TRIM13: variants seen among roughly 807,000 people sequenced by gnomAD.
TRIM13 encodes tripartite motif containing 13, also known as E3 ubiquitin-protein ligase TRIM13.
TRIM13 carries 15 observed loss-of-function variants against 27.1 expected under a neutral mutation model. The ratio of observed to expected loss-of-function variants is 0.55; its 90% CI spans 0.37 to 0.85. The LOEUF (loss-of-function observed/expected upper bound fraction) is 0.85. Ranked by LOEUF, TRIM13 falls within the 40% of genes least tolerant of loss-of-function variation. TRIM13 has a pLI of 0.00. For missense variants in TRIM13, 402 were observed against 472.2 expected, an observed-to-expected ratio of 0.85 and a Z score of 1.38; for synonymous variants, 193 against 171.5, an observed-to-expected ratio of 1.13 and a Z score of -0.98.
Position 50,016,489 on chromosome 13 carries a change from C to T in TRIM13, c.*3325C>T, listed in dbSNP as rs1566450565. ...TTCCTTACACACTATATAAGTTGTT[C>T]TTTCAGTTTTATGATTCAACTACTG... On this transcript the variant is annotated 3_prime_UTR_variant, in exon 2 of 2. Transcript: ENST00000378182. 5.8e-6 allele frequency: 1 copy of T among 171,132 alleles called. No homozygotes were observed. The highest frequency in any genetic ancestry group is 1.4e-5 in the Non-Finnish European group (1 of 71,108). The allele number at this position is 171,132 out of a possible 1,614,324, so 10.6% of individuals were successfully genotyped here. A position where few individuals can be genotyped will look rare whatever the true frequency, so the allele number is the denominator to read the frequency against.
At chr13:50,003,212 G>C (rs1401769976) in intron 1 of TRIM13, among the ~76,000 whole-genome samples, 1 of 152,136 alleles carries the variant, frequency 6.6e-6, no homozygotes, top group Admixed American at 6.6e-5. Context: ...AATGTTTGCT[G>C]TCTAGCCACC....
At chr13:50,011,609 C>T in intron 1 of TRIM13, among the ~76,000 whole-genome samples, 1 of 152,184 alleles carries the variant, frequency 6.6e-6, no homozygotes. Flanking sequence ...CAGTAGTCAG[C>T]TCTGTTTTAA....
At position 50,017,139 on chromosome 13, in the gene TRIM13, C is replaced by T. The variant is rs1876706047; in HGVS notation, c.*3975C>T. The T allele has an allele frequency of 6.0e-6, 1 of 166,874 alleles. No individual in the cohort carries two copies. The highest frequency in any genetic ancestry group is 2.4e-5 in the African/African-American group (1 of 41,404). 10.3% of individuals were successfully genotyped at this position (166,874 alleles called of 1,614,324 possible). On this transcript the variant is annotated 3_prime_UTR_variant, in exon 2 of 2. Coordinates refer to ENST00000378182, the MANE Select transcript of TRIM13 (RefSeq NM_213590.3). Reference sequence around the variant, plus strand: ...GCTGATTGTGAAGAAAATCTAATACCTTATCTTTATCTCAAACCTCTGTAC... The same window carrying T: ...GCTGATTGTGAAGAAAATCTAATACTTTATCTTTATCTCAAACCTCTGTAC...
chr13:50,001,654 A>G (rs553920439), intron 1 of TRIM13, among the ~76,000 whole-genome samples: 2 of 152,268 alleles, frequency 1.3e-5, no homozygotes, highest in Non-Finnish European at 2.9e-5. Context: ...AGAGCCACAT[A>G]ACAATTATTT....
At position 50,013,170 on chromosome 13, in the gene TRIM13, G is replaced by T; in HGVS notation, c.*6G>T. ...GCAAATATAAACTATTATAAAATCT[G>T]TTTCAAGTATGCAGTTTTCTTTTGT... On this transcript the variant is annotated 3_prime_UTR_variant, in exon 2 of 2. Transcript: ENST00000378182. 1 of 1,536,174 alleles carries T rather than the reference G, an allele frequency of 6.5e-7. No individual in the cohort carries two copies. Among genetic ancestry groups the T allele is most frequent in the Non-Finnish European group, 8.7e-7 (1 of 1,144,764 alleles).
In TRIM13 at chr13:50,012,536, A is replaced by C; in HGVS notation, c.596A>C (p.Glu199Ala). Residue 199 changes from glutamate (E) to alanine (A), a missense_variant, in exon 2 of 2, where the codon GAA becomes GCA. Glu to Ala is a moderately radical substitution (Grantham distance 107, BLOSUM62 -1). Transcript: ENST00000378182. ...CACACACTGGATCAAAAGAAGAATGAAATTCTGTCTGACTTTGAGACCATG... is the reference window on the plus strand; with the variant it reads ...CACACACTGGATCAAAAGAAGAATGCAATTCTGTCTGACTTTGAGACCATG... ...LQHTLDQKKN[E>A]ILSDFETMKL... 6.2e-7 allele frequency: 1 copy of C among 1,614,148 alleles called. No individual in the cohort carries two copies. The highest frequency in any genetic ancestry group is 8.5e-7 in the Non-Finnish European group (1 of 1,180,024).
intron 1 of TRIM13, among the ~76,000 whole-genome samples, chr13:50,002,805 G>A (rs1277390933): frequency 6.6e-6 from 1 of 152,078 alleles, no homozygotes; most frequent in Non-Finnish European, 1.5e-5. Flanking sequence ...TGGGATTACA[G>A]GTGTCTGCCA....
intron 1 of TRIM13, 21 bp from the exon 2 acceptor site, chr13:50,011,914 A>T: frequency 6.4e-7 from 1 of 1,554,444 alleles, no homozygotes; most frequent in Non-Finnish European, 8.7e-7. Context: ...GGAGTAAAAT[A>T]ATTTTTTTTT....
At chr13:50,009,908 GAC>G (rs896175186) in intron 1 of TRIM13, among the ~76,000 whole-genome samples, 1 of 151,800 alleles carries the variant, frequency 6.6e-6, no homozygotes, top group African/African-American at 2.4e-5. Context: ...CAGCTTGGGT[GAC>G]AGAGTGAGAC....
intron 1 of TRIM13, among the ~76,000 whole-genome samples, chr13:50,008,864 A>T (rs532340363): frequency 6.6e-6 from 1 of 151,396 alleles, no homozygotes; most frequent in African/African-American, 2.4e-5. Flanking sequence ...AAAAAAAACT[A>T]CAAAGAAAAA....
At position 50,013,660 on chromosome 13, in the gene TRIM13, T is replaced by A. The variant is rs1875948480; in HGVS notation, c.*496T>A. On this transcript the variant is annotated 3_prime_UTR_variant, in exon 2 of 2. Transcript: ENST00000378182. The stretch of plus-strand genomic sequence containing the variant: ...GCCTTAGCCTCCTGAGTAGCTGGGA[T>A]TACAGGCGCGTGCCACCACGCCCAG... 1 of 164,764 alleles carries A rather than the reference T, an allele frequency of 6.1e-6. No homozygotes were observed. Among genetic ancestry groups the A allele is most frequent in the African/African-American group, 2.4e-5 (1 of 41,274 alleles). The allele number at this position is 164,764 out of a possible 1,614,324, so 10.2% of individuals were successfully genotyped here.
intron 1 of TRIM13, among the ~76,000 whole-genome samples, chr13:49,998,552 G>C (rs9316482): frequency 0.37 from 56,130 of 151,770 alleles, 11,873 homozygotes; most frequent in Non-Finnish European, 0.49. Flanking sequence ...ATTTATGTTT[G>C]TATAGTTTCG....
chr13:50,015,085 AAAAAAAAAAATATATATATATATATATAT>A lies in TRIM13; in HGVS notation c.*1923_*1951del, dbSNP rs1208355685. ...TTCCCCTCCCAGTAATAAAAAAAAA[AAAAAAAAAAATATATATATATATATATAT>A]ATATATATATATATATATATATATA... On this transcript the variant is annotated 3_prime_UTR_variant, in exon 2 of 2. Coordinates refer to ENST00000378182, the MANE Select transcript of TRIM13 (RefSeq NM_213590.3). 10 of 59,608 alleles carry A rather than the reference AAAAAAAAAAATATATATATATATATATAT, an allele frequency of 1.7e-4. 1 individual carries two copies. The highest frequency in any genetic ancestry group is 8.2e-4 in the East Asian group (2 of 2,448). The allele number at this position is 59,608 out of a possible 1,614,324, so 3.7% of individuals were successfully genotyped here.
chr13:49,999,474 C>G (rs1015823198), intron 1 of TRIM13, among the ~76,000 whole-genome samples: 1 of 151,838 alleles, frequency 6.6e-6, no homozygotes, highest in Non-Finnish European at 1.5e-5. Flanking sequence ...TTTCTTGGCT[C>G]GAGACAACCA....
intron 1 of TRIM13, among the ~76,000 whole-genome samples, chr13:50,011,060 A>G (rs959916554): frequency 2.0e-5 from 3 of 152,170 alleles, no homozygotes; most frequent in Admixed American, 6.6e-5. Flanking sequence ...TCCAACCCCA[A>G]TTTGGGTGGT....
Position 50,012,012 on chromosome 13 carries a change from T to A in TRIM13, c.72T>A (p.Pro24=). The A allele has an allele frequency of 6.2e-7, 1 of 1,614,080 alleles. No individual in the cohort carries two copies. Among genetic ancestry groups the A allele is most frequent in the Non-Finnish European group, 8.5e-7 (1 of 1,179,994 alleles). ...CSLFDDPRVL[P]CSHNFCKKCL... ...TGTTTGATGATCCACGGGTTTTGCC[T>A]TGCTCCCACAACTTCTGCAAAAAAT... The change falls in exon 2 of 2, where the codon CCT becomes CCA. Residue 24 remains proline (P), a synonymous_variant. Coordinates refer to ENST00000378182, the MANE Select transcript of TRIM13 (RefSeq NM_213590.3).
At chr13:49,999,502 C>T (rs1202935160) in intron 1 of TRIM13, among the ~76,000 whole-genome samples, 3 of 152,126 alleles carry the variant, frequency 2.0e-5, no homozygotes, top group Non-Finnish European at 4.4e-5. Flanking sequence ...ATCCCCCAGG[C>T]AATGGAGCCA....
In TRIM13 at chr13:50,015,736, G is replaced by T; in HGVS notation, c.*2572G>T. The T allele has an allele frequency of 1.2e-6, 2 of 1,613,988 alleles. No homozygotes were observed. The highest frequency in any genetic ancestry group is 1.7e-6 in the Non-Finnish European group (2 of 1,179,928). Reference sequence around the variant, plus strand: ...CCACTGAATTTTCAGACTATCTTAGGCTTCAGAGAGAGGCTCTTTTCTATG... The same window carrying T: ...CCACTGAATTTTCAGACTATCTTAGTCTTCAGAGAGAGGCTCTTTTCTATG... On this transcript the variant is annotated 3_prime_UTR_variant, in exon 2 of 2. Transcript: ENST00000378182.
Position 50,011,974 on chromosome 13 carries a change from A to G in TRIM13, c.34A>G (p.Ile12Val), listed in dbSNP as rs760478719. ...GCTTGAAGAAGATCTCACATGCCCT[A>G]TTTGTTGTAGTCTGTTTGATGATCC... ...ELLEEDLTCP[I>V]CCSLFDDPRV... is the part of the protein sequence containing the mutation. Residue 12 changes from isoleucine (I) to valine (V), a missense_variant, in exon 2 of 2, where the codon ATT (isoleucine) becomes GTT (valine). This residue lies in a region of TRIM13 where 202 missense variants were observed against 277.5 expected (regional missense o/e 0.73). Transcript: ENST00000378182. The G allele has an allele frequency of 2.0e-5, 32 of 1,612,738 alleles. No individual in the cohort carries two copies. The highest frequency in any genetic ancestry group is 1.1e-4 in the South Asian group (10 of 90,970).
Sources: gnomAD v4.1 joint callset for allele counts (sites outside exome capture counted in the v4.1 genomes callset) on GRCh38, gnomAD v4.1.1 for gene constraint, gnomAD v4.1.1 regional missense constraint, MANE v1.5 for transcripts, NCBI Gene and HGNC (gene_info 2026-07-23, HGNC 2026-07-21) for gene names.